TENM3: variants seen among roughly 807,000 people sequenced by gnomAD.
TENM3 encodes teneurin-3.
TENM3 carries 63 observed loss-of-function variants against 255.1 expected under a neutral mutation model. The ratio of observed to expected loss-of-function variants is 0.25; its 90% CI spans 0.20 to 0.30. The LOEUF is 0.30. Among genes scored for constraint, TENM3 ranks in the 10% least tolerant of loss-of-function variants. TENM3 has a pLI of 1.00. For synonymous variants in TENM3, 1,306 were observed against 1,322.3 expected, an observed-to-expected ratio of 0.99 and a Z score of 0.27; for missense variants, 2,929 against 3,461.1, an observed-to-expected ratio of 0.85 and a Z score of 3.86.
At chr4:182,338,507 A>C (rs1764280706) in intron 2 of TENM3, among the ~76,000 whole-genome samples, 1 of 152,316 alleles carries the variant, frequency 6.6e-6, no homozygotes, top group Admixed American at 6.5e-5. Context: ...CAGTTTTATT[A>C]GAATATTACT....
the TENM3 span, among the ~76,000 whole-genome samples, chr4:181,817,550 A>G: frequency 1.3e-5 from 2 of 152,168 alleles, no homozygotes; most frequent in Admixed American, 1.3e-4. Context: ...TGTGTTCCCC[A>G]AAATTTATGC....
chr4:182,039,333 C>T, the TENM3 span, among the ~76,000 whole-genome samples: 2 of 152,152 alleles, frequency 1.3e-5, no homozygotes, highest in East Asian at 1.9e-4. Context: ...CCACTTCCAG[C>T]GTCAGGATGT....
chr4:181,710,571 C>T, the TENM3 span, among the ~76,000 whole-genome samples: 11 of 151,934 alleles, frequency 7.2e-5, no homozygotes, highest in East Asian at 2.0e-3. Flanking sequence ...CAAAAATTAG[C>T]GGGCATGGTG....
Position 182,793,279 on chromosome 4 carries a change from G to A in TENM3, c.6607G>A (p.Glu2203Lys). The A allele has an allele frequency of 1.2e-6, 2 of 1,613,920 alleles. No individual in the cohort carries two copies. Among genetic ancestry groups the A allele is most frequent in the Non-Finnish European group, 1.7e-6 (2 of 1,179,826 alleles). ...EDGFLRQRGT[E>K]IFEYSSKGLL... is the part of the protein sequence containing the mutation. Reference sequence around the variant, plus strand: ...TGGTTTCCTACGTCAAAGGGGCACGGAAATCTTTGAATATAGCTCCAAGGG... The same window carrying A: ...TGGTTTCCTACGTCAAAGGGGCACGAAAATCTTTGAATATAGCTCCAAGGG... The change falls in exon 26 of 28, where the codon GAA (glutamate) becomes AAA (lysine). Residue 2203 changes from glutamate to lysine, a missense_variant. Coordinates refer to ENST00000511685, the MANE Select transcript of TENM3 (RefSeq NM_001080477.4). The surrounding 1 kb of genome is among the most constrained non-coding windows in gnomAD (Gnocchi z 5.7).
intron 3 of TENM3, among the ~76,000 whole-genome samples, chr4:182,580,519 T>C (rs1745386427): frequency 6.6e-6 from 1 of 152,176 alleles, no homozygotes; most frequent in African/African-American, 2.4e-5. Context: ...GAAAACTAGA[T>C]CATGATGTGA....
At chr4:182,427,087 A>G (rs995859184) in intron 3 of TENM3, among the ~76,000 whole-genome samples, 1 of 152,210 alleles carries the variant, frequency 6.6e-6, no homozygotes, top group African/African-American at 2.4e-5. Flanking sequence ...CCTACTCACA[A>G]TAATGACTTT....
the TENM3 span, among the ~76,000 whole-genome samples, chr4:181,699,442 CAAAAAAAAAAAAAAA>C: frequency 0.025 from 1,113 of 44,122 alleles, 18 homozygotes; most frequent in Non-Finnish European, 0.036. Flanking sequence ...GACCCTGTCG[CAAAAAAAAAAAAAAA>C]AAAAAAAAAA....
chr4:181,491,980 G>C, the TENM3 span, among the ~76,000 whole-genome samples: 1 of 152,074 alleles, frequency 6.6e-6, no homozygotes, highest in Non-Finnish European at 1.5e-5. Flanking sequence ...ATGGCGTTTT[G>C]GAAGCAAATC....
the TENM3 span, among the ~76,000 whole-genome samples, chr4:181,838,880 C>T: frequency 1.3e-5 from 2 of 151,636 alleles, no homozygotes; most frequent in African/African-American, 4.8e-5. Context: ...TATTTTACTT[C>T]TGCTCTTTAT....
At chr4:181,617,466 G>A in the TENM3 span, among the ~76,000 whole-genome samples, 557 of 152,270 alleles carry the variant, frequency 3.7e-3, 2 homozygotes, top group Non-Finnish European at 6.5e-3. Flanking sequence ...ACTGGGTTGG[G>A]GACAGAGCTG....
intron 2 of TENM3, among the ~76,000 whole-genome samples, chr4:182,340,638 C>T (rs945841557): frequency 6.6e-6 from 1 of 152,132 alleles, no homozygotes; most frequent in Non-Finnish European, 1.5e-5. Context: ...TGGAATGTCC[C>T]ATAAAATATG....
intron 4 of TENM3, among the ~76,000 whole-genome samples, chr4:182,602,977 A>C (rs976932792): frequency 6.6e-6 from 1 of 152,222 alleles, no homozygotes; most frequent in Admixed American, 6.5e-5. Flanking sequence ...TGATGTTATA[A>C]AACACAAAAG....
At chr4:181,625,813 C>CA in the TENM3 span, among the ~76,000 whole-genome samples, 27,684 of 144,522 alleles carry the variant, frequency 0.19, 2,716 homozygotes, top group African/African-American at 0.22. Flanking sequence ...GACTCTGTCT[C>CA]AAAAAAAAAT....
the TENM3 span, among the ~76,000 whole-genome samples, chr4:181,877,953 G>T: frequency 6.6e-6 from 1 of 152,146 alleles, no homozygotes; most frequent in Admixed American, 6.5e-5. Flanking sequence ...GTAGGCGTAT[G>T]GCGTTTCTGT....
chr4:182,402,947 C>A (rs1769305769), intron 3 of TENM3, among the ~76,000 whole-genome samples: 1 of 152,148 alleles, frequency 6.6e-6, no homozygotes, highest in South Asian at 2.1e-4. Context: ...AAATATATAA[C>A]CATGATGGAA....
chr4:181,700,057 C>T, the TENM3 span, among the ~76,000 whole-genome samples: 1 of 152,066 alleles, frequency 6.6e-6, no homozygotes. Flanking sequence ...GTGGCTGTTC[C>T]ATCATTCACA....
At chr4:181,622,677 A>G in the TENM3 span, among the ~76,000 whole-genome samples, 4 of 152,180 alleles carry the variant, frequency 2.6e-5, no homozygotes, top group Non-Finnish European at 4.4e-5. Context: ...CTCCGTCTCA[A>G]AAATAAATAA....
At chr4:181,655,911 C>A in the TENM3 span, among the ~76,000 whole-genome samples, 1 of 152,108 alleles carries the variant, frequency 6.6e-6, no homozygotes. Flanking sequence ...CAAAATACCA[C>A]AAAACAAAGG....
the TENM3 span, among the ~76,000 whole-genome samples, chr4:181,869,157 T>C: frequency 6.6e-6 from 1 of 152,190 alleles, no homozygotes; most frequent in Non-Finnish European, 1.5e-5. Flanking sequence ...GTGTCATTAT[T>C]AATCTGCAAA....
Sources: gnomAD v4.1 joint callset for allele counts (sites outside exome capture counted in the v4.1 genomes callset) on GRCh38, gnomAD v4.1.1 for gene constraint, Gnocchi (gnomAD v3.1) non-coding constraint, MANE v1.5 for transcripts, NCBI Gene and HGNC (gene_info 2026-07-23, HGNC 2026-07-21) for gene names.